Variants in SDK1 observed in about 807,000 individuals in gnomAD.
The protein encoded by SDK1 is protein sidekick-1.
SDK1 carries 157 observed loss-of-function variants against 245.5 expected under a neutral mutation model. The ratio of observed to expected loss-of-function variants is 0.64; its 90% CI spans 0.56 to 0.73. The LOEUF (loss-of-function observed/expected upper bound fraction) is 0.73. Among genes scored for constraint, SDK1 ranks in the 30% least tolerant of loss-of-function variants. The pLI is 0.00. For synonymous variants in SDK1, 1,647 were observed against 1,278.5 expected, an observed-to-expected ratio of 1.29 and a Z score of -6.15; for missense variants, 3,583 against 3,002.3, an observed-to-expected ratio of 1.19 and a Z score of -4.52.
intron 41 of SDK1, among the ~76,000 whole-genome samples, chr7:4,236,228 TG>T (rs1015778948): frequency 2.0e-5 from 3 of 152,142 alleles, no homozygotes; most frequent in African/African-American, 7.2e-5. Context: ...CTTTCTGTTC[TG>T]GGGGGCTTCC....
At chr7:3,530,846 A>G (rs1458236423) in intron 1 of SDK1, among the ~76,000 whole-genome samples, 2 of 152,234 alleles carry the variant, frequency 1.3e-5, no homozygotes, top group African/African-American at 4.8e-5. Flanking sequence ...TTCTGAAAGA[A>G]TTAATCACTT....
At chr7:3,377,499 G>A (rs746125970) in intron 1 of SDK1, among the ~76,000 whole-genome samples, 14 of 152,102 alleles carry the variant, frequency 9.2e-5, no homozygotes, top group Admixed American at 2.6e-4. Context: ...CCCCCACACT[G>A]CTATCATAAG....
Position 4,079,447 on chromosome 7 carries a change from C to A in SDK1, c.3203-16C>A. ...GGACTGTAAATCTCTCCCTTTCCTCCCTGGTTCCTCTCTAGACCTTCCTGG... is the reference window on the plus strand; with the variant it reads ...GGACTGTAAATCTCTCCCTTTCCTCACTGGTTCCTCTCTAGACCTTCCTGG... On this transcript the variant is annotated splice_polypyrimidine_tract_variant and intron_variant, in intron 21 of 44. Transcript: ENST00000404826. The A allele has an allele frequency of 6.2e-7, 1 of 1,613,872 alleles. No homozygotes were observed. Among genetic ancestry groups the A allele is most frequent in the African/African-American group, 1.3e-5 (1 of 75,054 alleles).
chr7:3,746,449 G>T (rs997305256), intron 4 of SDK1, among the ~76,000 whole-genome samples: 1 of 152,118 alleles, frequency 6.6e-6, no homozygotes, highest in Non-Finnish European at 1.5e-5. Flanking sequence ...TTTCACAAAA[G>T]ATTTCTCTGT....
In SDK1 at chr7:4,172,146, G is replaced by A. The variant is rs184569941; in HGVS notation, c.4801-2076G>A. On this transcript the variant is annotated intron_variant, in intron 32 of 44. Coordinates refer to ENST00000404826, the MANE Select transcript of SDK1 (RefSeq NM_152744.4). The stretch of plus-strand genomic sequence containing the variant: ...CGCGTCTGAGGGGGGATTATATCCC[G>A]TCGTGCTGTTCCTGAATTGGGAGCA... 1.5e-3 allele frequency among the ~76,000 whole-genome samples: 225 copies of A among 152,296 alleles called. 1 individual carries two copies. Among genetic ancestry groups the A allele is most frequent in the African/African-American group, 5.1e-3 (213 of 41,568 alleles).
At position 3,858,379 on chromosome 7, in the gene SDK1, C is replaced by G. The variant is rs1471459136; in HGVS notation, c.847+36796C>G. 3.3e-5 allele frequency among the ~76,000 whole-genome samples: 5 copies of G among 151,806 alleles called. No homozygotes were observed. The South Asian group carries it at 1.0e-3, about 32-fold the overall frequency. ...CCACCCTGGGCCACATAGTGAGACCCCATCTCAAAAAAACAAAACTGCAAA... is the reference window on the plus strand; with the variant it reads ...CCACCCTGGGCCACATAGTGAGACCGCATCTCAAAAAAACAAAACTGCAAA... On this transcript the variant is annotated intron_variant, in intron 5 of 44. Transcript: ENST00000404826.
chr7:3,659,118 GCTTT>G, intron 4 of SDK1, among the ~76,000 whole-genome samples: 1 of 152,094 alleles, frequency 6.6e-6, no homozygotes, highest in Non-Finnish European at 1.5e-5. Context: ...TGTCTTTTTC[GCTTT>G]CTTTTTCTTT....
intron 5 of SDK1, among the ~76,000 whole-genome samples, chr7:3,934,288 C>A (rs183276225): frequency 6.6e-6 from 1 of 152,158 alleles, no homozygotes; most frequent in Non-Finnish European, 1.5e-5. Flanking sequence ...TTCTTTCTCT[C>A]CTGTGTTCAA....
At chr7:3,783,572 C>T (rs1219901058) in intron 4 of SDK1, among the ~76,000 whole-genome samples, 1 of 151,296 alleles carries the variant, frequency 6.6e-6, no homozygotes, top group Non-Finnish European at 1.5e-5. Context: ...TATATGCAAA[C>T]AATGAACTAT....
chr7:3,877,525 T>G (rs936753035), intron 5 of SDK1, among the ~76,000 whole-genome samples: 2 of 152,210 alleles, frequency 1.3e-5, no homozygotes, highest in East Asian at 3.8e-4. Context: ...CTGTATCTAG[T>G]GGAGGCATGT....
chr7:4,025,797 G>T (rs1051420705), intron 17 of SDK1, among the ~76,000 whole-genome samples: 3 of 152,158 alleles, frequency 2.0e-5, no homozygotes, highest in African/African-American at 7.2e-5. Context: ...CCTGCCTTCT[G>T]CCCTGACTCT....
intron 1 of SDK1, among the ~76,000 whole-genome samples, chr7:3,453,554 T>A (rs1348691297): frequency 6.6e-6 from 1 of 152,158 alleles, no homozygotes; most frequent in Non-Finnish European, 1.5e-5. Flanking sequence ...GCACTGTGAC[T>A]GCAGGCAGAG....
intron 35 of SDK1, among the ~76,000 whole-genome samples, chr7:4,193,113 T>G (rs1210209408): frequency 7.4e-6 from 1 of 134,474 alleles, no homozygotes; most frequent in Non-Finnish European, 1.5e-5. Flanking sequence ...ATAAATATAT[T>G]AAAATATATA....
chr7:3,525,949 G>T (rs141866100), intron 1 of SDK1, among the ~76,000 whole-genome samples: 1 of 152,068 alleles, frequency 6.6e-6, no homozygotes, highest in South Asian at 2.1e-4. Flanking sequence ...AATTCACATT[G>T]TGGGCCAGGC....
chr7:4,202,835 A>C (rs1783969734), intron 35 of SDK1, among the ~76,000 whole-genome samples: 1 of 152,042 alleles, frequency 6.6e-6, no homozygotes, highest in Admixed American at 6.6e-5. Context: ...AGGTTCCTAA[A>C]CCCTGAGGTG....
At chr7:3,416,791 T>A (rs2128579339) in intron 1 of SDK1, among the ~76,000 whole-genome samples, 1 of 152,238 alleles carries the variant, frequency 6.6e-6, no homozygotes, top group Non-Finnish European at 1.5e-5. Flanking sequence ...ATAAAGCCCA[T>A]GTTCTGATCC....
At chr7:3,932,229 T>G (rs1315656160) in intron 5 of SDK1, among the ~76,000 whole-genome samples, 1 of 152,230 alleles carries the variant, frequency 6.6e-6, no homozygotes, top group Admixed American at 6.5e-5. Context: ...CTTGTGATAA[T>G]ATGCCCGTAA....
chr7:3,928,187 T>C (rs1056910662), intron 5 of SDK1, among the ~76,000 whole-genome samples: 2 of 152,228 alleles, frequency 1.3e-5, no homozygotes, highest in African/African-American at 4.8e-5. Context: ...TAAATTATAC[T>C]CATTATCTAC....
chr7:3,796,602 A>G (rs573101514), intron 4 of SDK1, among the ~76,000 whole-genome samples: 16 of 151,800 alleles, frequency 1.1e-4, no homozygotes, highest in Admixed American at 2.0e-4. Context: ...ACTTCTTACC[A>G]TCTCCCTCGT....
Sources: gnomAD v4.1 joint callset for allele counts (sites outside exome capture counted in the v4.1 genomes callset) on GRCh38, gnomAD v4.1.1 for gene constraint, MANE v1.5 for transcripts, NCBI Gene and HGNC (gene_info 2026-07-23, HGNC 2026-07-21) for gene names.